Variants in DENND4C observed in about 807,000 individuals in gnomAD.
DENND4C encodes the protein DENN domain containing 4C.
DENND4C carries 108 observed loss-of-function variants against 203.0 expected under a neutral mutation model. The observed-to-expected ratio is 0.53, with a 90% confidence interval of 0.46 to 0.62. The LOEUF (loss-of-function observed/expected upper bound fraction) is 0.62, where lower values mean the gene tolerates loss of function less well. Among genes scored for constraint, DENND4C ranks in the 20% least tolerant of loss-of-function variants. DENND4C has a pLI of 0.00. For missense variants in DENND4C, 2,481 were observed against 2,301.2 expected (o/e 1.08, Z -1.60); for synonymous variants, 871 against 792.4 (o/e 1.10, Z -1.67).
intron 30 of DENND4C, among the ~76,000 whole-genome samples, chr9:19,362,769 G>C (rs1826778322): frequency 1.3e-5 from 2 of 152,126 alleles, no homozygotes; most frequent in South Asian, 4.1e-4. Context: ...GTTACTGACT[G>C]GTCTTAAGGG....
In DENND4C at chr9:19,305,477, C is replaced by T; in HGVS notation, c.1437C>T (p.Asp479=). 1 of 1,613,722 alleles carries T rather than the reference C, an allele frequency of 6.2e-7. No individual in the cohort carries two copies. The highest frequency in any genetic ancestry group is 1.7e-4 in the Middle Eastern group (1 of 6,060). The change falls in exon 10 of 33, where the codon GAC becomes GAT. Residue 479 remains aspartate, a synonymous_variant. Coordinates refer to ENST00000434457, the MANE Select transcript of DENND4C (RefSeq NM_001330640.2). ...ACTCAAGGTATTTTGATCTTCATGACCCACCACAAGATGTTGTTTGCATTG... is the reference window on the plus strand; with the variant it reads ...ACTCAAGGTATTTTGATCTTCATGATCCACCACAAGATGTTGTTTGCATTG... The part of the protein sequence containing the change: ...GVDSRYFDLH[D]PPQDVVCIDL...
chr9:19,241,934 T>C (rs1823849004), intron 1 of DENND4C, among the ~76,000 whole-genome samples: 1 of 152,070 alleles, frequency 6.6e-6, no homozygotes, highest in Admixed American at 6.6e-5. Context: ...CTCATGCTTG[T>C]AATCCCACTG....
intron 9 of DENND4C, 145 bp from the exon 10 acceptor site, chr9:19,305,207 A>T (rs1728130744): frequency 4.8e-6 from 3 of 629,512 alleles, no homozygotes; most frequent in South Asian, 2.4e-5. Flanking sequence ...AGTATTTTAT[A>T]GTCATTTAGT....
chr9:19,370,069 T>G, intron 31 of DENND4C, 82 bp downstream of exon 31: 23 of 1,514,262 alleles, frequency 1.5e-5, no homozygotes, highest in Non-Finnish European at 1.9e-5. Context: ...AAAATATCTC[T>G]AGTTGTCGAA....
At chr9:19,321,496 G>A (rs1211701318) in intron 12 of DENND4C, among the ~76,000 whole-genome samples, 1 of 151,016 alleles carries the variant, frequency 6.6e-6, no homozygotes, top group Non-Finnish European at 1.5e-5. Flanking sequence ...GTTTTGTTTT[G>A]TTTTTGTTTT....
chr9:19,278,017 T>G (rs1031744454), intron 2 of DENND4C, among the ~76,000 whole-genome samples: 2 of 152,050 alleles, frequency 1.3e-5, no homozygotes, highest in African/African-American at 4.8e-5. Context: ...AAAAAATGAT[T>G]AATTCCTTAA....
chr9:19,272,228 T>A (rs1007076175), intron 1 of DENND4C, among the ~76,000 whole-genome samples: 20 of 151,838 alleles, frequency 1.3e-4, no homozygotes, highest in African/African-American at 4.8e-4. Flanking sequence ...GAGACCAGCC[T>A]GGCCAACATG....
chr9:19,259,567 C>A (rs545543943), intron 1 of DENND4C, among the ~76,000 whole-genome samples: 2 of 147,406 alleles, frequency 1.4e-5, no homozygotes, highest in Admixed American at 1.4e-4. Flanking sequence ...TGCAGTGGCG[C>A]GATCTTGGCT....
At chr9:19,276,063 G>T (rs1347112020) in intron 1 of DENND4C, 95 bp from the exon 2 acceptor site, 1 of 543,728 alleles carries the variant, frequency 1.8e-6, no homozygotes, top group Non-Finnish European at 2.8e-6. Context: ...TAGCTGGGAA[G>T]TGTGCTAGTT....
chr9:19,277,848 G>C (rs940341755), intron 2 of DENND4C, among the ~76,000 whole-genome samples: 1 of 152,094 alleles, frequency 6.6e-6, no homozygotes, highest in African/African-American at 2.4e-5. Context: ...CTAGTTTTCT[G>C]AGAGATTTTA....
intron 31 of DENND4C, chr9:19,371,526 C>T (rs1828829141): frequency 3.4e-6 from 1 of 291,982 alleles, no homozygotes; most frequent in Admixed American, 5.4e-5. Flanking sequence ...GAATAGAAAC[C>T]TGCAGGAAGT....
chr9:19,262,295 C>T (rs1400232296), intron 1 of DENND4C, among the ~76,000 whole-genome samples: 1 of 151,714 alleles, frequency 6.6e-6, no homozygotes, highest in Non-Finnish European at 1.5e-5. Context: ...ACCATGTTGG[C>T]CAGGCTGGTC....
At chr9:19,269,164 C>A (rs1393741476) in intron 1 of DENND4C, among the ~76,000 whole-genome samples, 1 of 151,634 alleles carries the variant, frequency 6.6e-6, no homozygotes, top group Non-Finnish European at 1.5e-5. Flanking sequence ...TCCTTTCTTT[C>A]TTTCTTTTTT....
At chr9:19,364,526 T>C (rs1467516795) in intron 30 of DENND4C, among the ~76,000 whole-genome samples, 1 of 152,158 alleles carries the variant, frequency 6.6e-6, no homozygotes, top group East Asian at 1.9e-4. Context: ...AGCACCCTGC[T>C]CATAAAGCAG....
At chr9:19,269,693 G>A (rs558420601) in intron 1 of DENND4C, among the ~76,000 whole-genome samples, 9 of 152,240 alleles carry the variant, frequency 5.9e-5, no homozygotes, top group Non-Finnish European at 1.0e-4. Context: ...CTTTAAAACA[G>A]CTATTTTGAC....
chr9:19,353,420 G>T (rs1824633266), intron 26 of DENND4C, among the ~76,000 whole-genome samples: 1 of 152,150 alleles, frequency 6.6e-6, no homozygotes, highest in Non-Finnish European at 1.5e-5. Flanking sequence ...CTGAGCTCAG[G>T]AGTTCGAGAC....
intron 1 of DENND4C, among the ~76,000 whole-genome samples, chr9:19,243,765 A>G (rs1824375237): frequency 6.6e-6 from 1 of 152,000 alleles, no homozygotes; most frequent in Admixed American, 6.6e-5. Flanking sequence ...CATTGCTTCT[A>G]CCTTTTGGCT....
At chr9:19,275,932 A>G (rs1197598493) in intron 1 of DENND4C, among the ~76,000 whole-genome samples, 3 of 152,156 alleles carry the variant, frequency 2.0e-5, no homozygotes, top group East Asian at 3.9e-4. Flanking sequence ...TTAATAGAAT[A>G]TGAGAAGATT....
At chr9:19,241,834 A>C (rs1372402578) in intron 1 of DENND4C, among the ~76,000 whole-genome samples, 1 of 151,912 alleles carries the variant, frequency 6.6e-6, no homozygotes, top group Non-Finnish European at 1.5e-5. Flanking sequence ...CCTGGGCAAC[A>C]CAGTAAGACC....
Sources: allele counts gnomAD v4.1 joint callset (sites outside exome capture counted in the v4.1 genomes callset), GRCh38; gene constraint gnomAD v4.1.1; transcripts MANE v1.5; gene names NCBI Gene and HGNC (gene_info 2026-07-23, HGNC 2026-07-21).